The following CEP162 variants were observed in gnomAD, a reference collection of about 807,000 sequenced individuals.
CEP162 encodes centrosomal protein 162.
CEP162 carries 141 observed loss-of-function variants against 169.2 expected under a neutral mutation model. The observed-to-expected ratio is 0.83, with a 90% CI of 0.73 to 0.96. CEP162 has a LOEUF of 0.96. Ranked by LOEUF, CEP162 falls within the 40% of genes least tolerant of loss-of-function variation. The pLI is 0.00. For synonymous variants in CEP162, 540 were observed against 526.4 expected (o/e 1.03, Z -0.35); for missense variants, 1,600 against 1,587.2 (o/e 1.01, Z -0.14).
At chr6:84,207,663 A>G (rs113026856) in intron 6 of CEP162, among the ~76,000 whole-genome samples, 1 of 152,030 alleles carries the variant, frequency 6.6e-6, no homozygotes, top group African/African-American at 2.4e-5. Context: ...ACATGTATAC[A>G]TATGTAACAA....
intron 2 of CEP162, among the ~76,000 whole-genome samples, chr6:84,225,976 T>C (rs9449850): frequency 0.28 from 42,402 of 151,726 alleles, 8,799 homozygotes; most frequent in African/African-American, 0.59. Context: ...AAGAGGGATA[T>C]GAAGGCAGTG....
chr6:84,219,973 T>C (rs962768061), intron 3 of CEP162, among the ~76,000 whole-genome samples: 15 of 152,102 alleles, frequency 9.9e-5, no homozygotes, highest in African/African-American at 2.9e-4. Flanking sequence ...TAGGCTTTAT[T>C]GGGCAAGAAG....
Position 84,195,088 on chromosome 6 carries a change from A to G in CEP162, c.836-13T>C. ...CCATAAGAAACACCTGTTGAAATAA[A>G]CGTAATCACCAGAAATAATTACATC... On this transcript the variant is annotated splice_polypyrimidine_tract_variant and intron_variant, in intron 9 of 26. Coordinates refer to ENST00000403245, the MANE Select transcript of CEP162 (RefSeq NM_014895.4). The G allele has an allele frequency of 6.5e-7, 1 of 1,541,662 alleles. No homozygotes were observed. Among genetic ancestry groups the G allele is most frequent in the South Asian group, 1.2e-5 (1 of 81,676 alleles).
At position 84,175,350 on chromosome 6, in the gene CEP162, A is replaced by T. The variant is rs1430838330; in HGVS notation, c.1664-3T>A. 6.5e-7 allele frequency: 1 copy of T among 1,533,322 alleles called. No homozygotes were observed. Among genetic ancestry groups the T allele is most frequent in the Admixed American group, 2.1e-5 (1 of 48,610 alleles). 95.0% of individuals were successfully genotyped at this position (1,533,322 alleles called of 1,614,324 possible). A position where few individuals can be genotyped will look rare whatever the true frequency, so the allele number is the denominator to read the frequency against. ...GAGTTTTGTTCCAGATAAGATTTCT[A>T]AATATTATAAACAATGTATAAATGC... On this transcript the variant is annotated splice_region_variant and splice_polypyrimidine_tract_variant and intron_variant, in intron 13 of 26. Transcript: ENST00000403245.
chr6:84,214,244 A>G (rs1466803221), intron 5 of CEP162, among the ~76,000 whole-genome samples: 1 of 152,138 alleles, frequency 6.6e-6, no homozygotes, highest in Non-Finnish European at 1.5e-5. Flanking sequence ...GTGCCACTGC[A>G]CTCCAGCCTG....
At chr6:84,183,673 A>C (rs775224599) in intron 13 of CEP162, among the ~76,000 whole-genome samples, 2 of 152,122 alleles carry the variant, frequency 1.3e-5, no homozygotes, top group African/African-American at 2.4e-5. Flanking sequence ...AACCATTTTA[A>C]TCACTTTTAC....
chr6:84,154,844 T>A (rs1347322479), intron 22 of CEP162, among the ~76,000 whole-genome samples: 1 of 152,188 alleles, frequency 6.6e-6, no homozygotes, highest in African/African-American at 2.4e-5. Flanking sequence ...TTTCACAAAA[T>A]AATGGAAAAC....
At chr6:84,128,015 T>C (rs1432497859) in intron 25 of CEP162, among the ~76,000 whole-genome samples, 1 of 152,216 alleles carries the variant, frequency 6.6e-6, no homozygotes, top group Non-Finnish European at 1.5e-5. Flanking sequence ...GCCTTATATA[T>C]GTTTACTGTC....
Position 84,161,920 on chromosome 6 carries a change from C to T in CEP162, c.2513-11G>A, listed in dbSNP as rs367793866. 4.8e-6 allele frequency: 7 copies of T among 1,447,790 alleles called. No homozygotes were observed. Among genetic ancestry groups the T allele is most frequent in the Non-Finnish European group, 6.6e-6 (7 of 1,058,078 alleles). 89.7% of individuals were successfully genotyped at this position (1,447,790 alleles called of 1,614,324 possible). A position where few individuals can be genotyped will look rare whatever the true frequency, so the allele number is the denominator to read the frequency against. On this transcript the variant is annotated splice_polypyrimidine_tract_variant and intron_variant, in intron 19 of 26. Transcript: ENST00000403245. The stretch of plus-strand genomic sequence containing the variant: ...CATATAATTTCTCACCTATAAGATA[C>T]AGTAACTCAATAACCTGCTTGTTGT...
chr6:84,221,529 T>C (rs946353420), intron 2 of CEP162, among the ~76,000 whole-genome samples: 1 of 152,198 alleles, frequency 6.6e-6, no homozygotes, highest in Non-Finnish European at 1.5e-5. Context: ...CAAAATTGCA[T>C]AGCACCACTC....
intron 25 of CEP162, among the ~76,000 whole-genome samples, chr6:84,138,678 TAAAG>T (rs1312018280): frequency 6.6e-6 from 1 of 151,694 alleles, no homozygotes; most frequent in African/African-American, 2.4e-5. Flanking sequence ...TAGATATTCT[TAAAG>T]TAAGAACTGT....
At chr6:84,162,150 G>T (rs553460558) in intron 19 of CEP162, among the ~76,000 whole-genome samples, 1 of 152,170 alleles carries the variant, frequency 6.6e-6, no homozygotes, top group East Asian at 1.9e-4. Flanking sequence ...TGGCTATGTA[G>T]AAATTTTTGA....
In CEP162 at chr6:84,215,852, C is replaced by G. The variant is rs772323113; in HGVS notation, c.243G>C (p.Glu81Asp). ...GAAATTGAATCTTTTCAGCAGACTC[C>G]TCTTCTATTTCCATAACAGGCTGAG... ...KTSQPVMEIE[E>D]ESAEKIQFLK... Residue 81 changes from glutamate (E) to aspartate (D), a missense_variant, in exon 4 of 27, where the codon GAG becomes GAC. Coordinates refer to ENST00000403245, the MANE Select transcript of CEP162 (RefSeq NM_014895.4). 12 of 1,584,366 alleles carry G rather than the reference C, an allele frequency of 7.6e-6. No individual in the cohort carries two copies. Among genetic ancestry groups the G allele is most frequent in the Non-Finnish European group, 1.0e-5 (12 of 1,163,624 alleles).
At chr6:84,184,859 T>C (rs1411174228) in intron 13 of CEP162, among the ~76,000 whole-genome samples, 1 of 151,804 alleles carries the variant, frequency 6.6e-6, no homozygotes, top group East Asian at 1.9e-4. Context: ...CTCAAAACTA[T>C]CATTTCAAAA....
chr6:84,212,786 G>A (rs2099550021), intron 6 of CEP162, among the ~76,000 whole-genome samples, 171 bp downstream of exon 6: 1 of 152,048 alleles, frequency 6.6e-6, no homozygotes, highest in South Asian at 2.1e-4. Flanking sequence ...TTTTAAGGCA[G>A]TTCACTTTCA....
chr6:84,139,283 T>C (rs1191211618), intron 25 of CEP162, among the ~76,000 whole-genome samples: 1 of 152,212 alleles, frequency 6.6e-6, no homozygotes, highest in Non-Finnish European at 1.5e-5. Flanking sequence ...CCCACCTTTG[T>C]AGCCTAAAAA....
intron 11 of CEP162, among the ~76,000 whole-genome samples, chr6:84,190,374 A>C (rs2099539328): frequency 6.6e-6 from 1 of 152,062 alleles, no homozygotes; most frequent in South Asian, 2.1e-4. Flanking sequence ...AAGAGAATAA[A>C]AGCAGGCTGC....
At chr6:84,154,379 C>CTATCTATCTATCTAT (rs1562020180) in intron 22 of CEP162, among the ~76,000 whole-genome samples, 77 of 124,832 alleles carry the variant, frequency 6.2e-4, no homozygotes, top group Middle Eastern at 4.0e-3. Flanking sequence ...TATCTATCTA[C>CTATCTATCTATCTAT]CTATCTATCT....
In CEP162 at chr6:84,223,276, G is replaced by A. The variant is rs113167505; in HGVS notation, c.58-2105C>T. Among the ~76,000 whole-genome samples, 991 of 152,004 alleles carry A rather than the reference G, an allele frequency of 6.5e-3. 7 individuals carry two copies. Among genetic ancestry groups the A allele is most frequent in the African/African-American group, 0.023 (936 of 41,450 alleles). On this transcript the variant is annotated intron_variant, in intron 2 of 26. Coordinates refer to ENST00000403245, the MANE Select transcript of CEP162 (RefSeq NM_014895.4). ...AGCACTTTGGGAAGCCGAGGTGGGC[G>A]GATCACGAGGTCAGGAGTTTGAGAC... is the stretch of plus-strand genomic sequence containing the variant.
Sources: gnomAD v4.1 joint callset for allele counts (sites outside exome capture counted in the v4.1 genomes callset) on GRCh38, gnomAD v4.1.1 for gene constraint, MANE v1.5 for transcripts, NCBI Gene and HGNC (gene_info 2026-07-23, HGNC 2026-07-21) for gene names.